Variants in MCF2L2 observed in about 807,000 individuals in gnomAD.
The protein encoded by MCF2L2 is MCF.2 cell line derived transforming sequence-like 2.
Under a neutral mutation model 150.2 loss-of-function variants are expected in MCF2L2, and 102 were observed. The ratio of observed to expected loss-of-function variants is 0.68; its 90% CI spans 0.58 to 0.80. The LOEUF (loss-of-function observed/expected upper bound fraction) is 0.80, where lower values mean the gene tolerates loss of function less well. Among genes scored for constraint, MCF2L2 ranks in the 30% least tolerant of loss-of-function variants. MCF2L2 has a pLI of 0.00. For missense variants in MCF2L2, 1,256 were observed against 1,372.8 expected, an observed-to-expected ratio of 0.91 and a Z score of 1.34; for synonymous variants, 465 against 491.3, an observed-to-expected ratio of 0.95 and a Z score of 0.71.
chr3:183,189,166 G>C (rs975094260), intron 27 of MCF2L2, among the ~76,000 whole-genome samples: 43 of 152,170 alleles, frequency 2.8e-4, no homozygotes, highest in African/African-American at 9.2e-4. Flanking sequence ...TGCTGGGGCC[G>C]AGCACTGCTG....
At chr3:183,245,977 C>T (rs1724234467) in intron 15 of MCF2L2, among the ~76,000 whole-genome samples, 2 of 152,066 alleles carry the variant, frequency 1.3e-5, no homozygotes, top group Admixed American at 6.5e-5. Flanking sequence ...ACCTCAAATT[C>T]TTTTTGGAAG....
In MCF2L2 at chr3:183,195,272, C is replaced by CA. The variant is rs765430476; in HGVS notation, c.2885-18dup. On this transcript the variant is annotated splice_polypyrimidine_tract_variant and intron_variant, in intron 25 of 29. Transcript: ENST00000328913. ...TTCCTTGGTCTAAAATTTTAAAAAA[C>CA]AAAAAACAGCACTCTCAAATTTAAG... The CA allele has an allele frequency of 4.6e-5, 73 of 1,586,906 alleles. No homozygotes were observed. The highest frequency in any genetic ancestry group is 4.3e-6 in the Non-Finnish European group (5 of 1,164,366).
intron 3 of MCF2L2, among the ~76,000 whole-genome samples, chr3:183,354,889 C>T (rs1039003815): frequency 1.3e-5 from 2 of 151,976 alleles, no homozygotes; most frequent in African/African-American, 2.4e-5. Flanking sequence ...TGATCAATAA[C>T]GTAGTCCCTA....
chr3:183,279,091 G>C (rs1386495554), intron 14 of MCF2L2, among the ~76,000 whole-genome samples: 2 of 152,140 alleles, frequency 1.3e-5, no homozygotes, highest in African/African-American at 4.8e-5. Context: ...TTAAGGTATA[G>C]ACAGATTAGT....
intron 2 of MCF2L2, among the ~76,000 whole-genome samples, chr3:183,387,931 C>CAA (rs61024469): frequency 8.3e-3 from 596 of 71,772 alleles, no homozygotes; most frequent in Non-Finnish European, 9.4e-3. Flanking sequence ...GACTCCATCT[C>CAA]AAAAAAAAAA....
chr3:183,239,100 A>G (rs1367105196), intron 15 of MCF2L2, among the ~76,000 whole-genome samples: 1 of 152,122 alleles, frequency 6.6e-6, no homozygotes, highest in African/African-American at 2.4e-5. Context: ...GTATTCAAGT[A>G]ATTAAAAATA....
intron 5 of MCF2L2, among the ~76,000 whole-genome samples, chr3:183,329,867 C>T (rs1730196222): frequency 6.6e-6 from 1 of 152,168 alleles, no homozygotes; most frequent in Non-Finnish European, 1.5e-5. Flanking sequence ...CAAGCCTGTA[C>T]AGCATGTTAC....
chr3:183,386,152 T>G lies in MCF2L2; in HGVS notation c.160+3544A>C, dbSNP rs562973200. Among the ~76,000 whole-genome samples the G allele has an allele frequency of 2.0e-5, 3 of 152,318 alleles. No homozygotes were observed. The South Asian group carries it at 6.2e-4, about 32-fold the overall frequency. Reference sequence around the variant, plus strand: ...ACCATGCTGAGTGAAACTTTTCTTCTTACAGATGAAAAACTGGGGTTTGGA... The same window carrying G: ...ACCATGCTGAGTGAAACTTTTCTTCGTACAGATGAAAAACTGGGGTTTGGA... On this transcript the variant is annotated intron_variant, in intron 2 of 29. Transcript: ENST00000328913.
intron 5 of MCF2L2, 40 bp from the exon 6 acceptor site, chr3:183,323,391 T>A: frequency 9.8e-7 from 1 of 1,017,836 alleles, no homozygotes; most frequent in Non-Finnish European, 1.6e-6. Flanking sequence ...TCCTCATTGA[T>A]CATTAAATAA....
Position 183,228,278 on chromosome 3 carries a change from A to G in MCF2L2, c.2115+19T>C. 2 of 1,594,250 alleles carry G rather than the reference A, an allele frequency of 1.3e-6. No homozygotes were observed. Among genetic ancestry groups the G allele is most frequent in the Non-Finnish European group, 1.7e-6 (2 of 1,162,372 alleles). On this transcript the variant is annotated intron_variant, in intron 18 of 29. Coordinates refer to ENST00000328913, the MANE Select transcript of MCF2L2 (RefSeq NM_015078.4). Reference sequence around the variant, plus strand: ...AGGGCTGACTTTAACATGATTATTTACTGGGAGTACAGACTTACTCTCTTG... The same window carrying G: ...AGGGCTGACTTTAACATGATTATTTGCTGGGAGTACAGACTTACTCTCTTG...
intron 15 of MCF2L2, among the ~76,000 whole-genome samples, chr3:183,276,229 C>T (rs1282305914): frequency 6.6e-6 from 1 of 152,134 alleles, no homozygotes; most frequent in African/African-American, 2.4e-5. Context: ...AATCAAGGAG[C>T]ACATTCCTAA....
chr3:183,295,615 T>G, intron 12 of MCF2L2, 138 bp from the exon 13 acceptor site: 1 of 740,662 alleles, frequency 1.4e-6, no homozygotes, highest in Non-Finnish European at 2.2e-6. Context: ...GGCATCACTA[T>G]GCAAGTCGCT....
At chr3:183,299,522 T>C (rs1162420337) in intron 11 of MCF2L2, 2 of 154,942 alleles carry the variant, frequency 1.3e-5, no homozygotes, top group African/African-American at 4.8e-5. Context: ...TTGAGGATTA[T>C]AAATAGATGA....
Position 183,425,035 on chromosome 3 carries a change from T to C in MCF2L2, c.76+2867A>G, listed in dbSNP as rs557112509. On this transcript the variant is annotated intron_variant, in intron 1 of 29. Coordinates refer to ENST00000328913, the MANE Select transcript of MCF2L2 (RefSeq NM_015078.4). ...AGGTATTATTAAAGGCTTTGGAATA[T>C]AGAGTGTCGTGTTTGTTTGGCTCGT... 2.1e-4 allele frequency among the ~76,000 whole-genome samples: 32 copies of C among 152,104 alleles called. 1 individual carries two copies. Among genetic ancestry groups the C allele is most frequent in the Non-Finnish European group, 3.4e-4 (23 of 68,020 alleles).
chr3:183,355,266 TCTTGTTG>T (rs1183098747), intron 3 of MCF2L2, among the ~76,000 whole-genome samples: 2 of 152,086 alleles, frequency 1.3e-5, no homozygotes, highest in African/African-American at 4.8e-5. Context: ...AAGGATCAGA[TCTTGTTG>T]CTTGTGGATA....
chr3:183,224,185 T>G lies in MCF2L2; in HGVS notation c.2121A>C (p.Glu707Asp). The G allele has an allele frequency of 1.2e-6, 2 of 1,609,400 alleles. No homozygotes were observed. Among genetic ancestry groups the G allele is most frequent in the Non-Finnish European group, 1.7e-6 (2 of 1,175,838 alleles). Residue 707 changes from glutamate to aspartate, a missense_variant, in exon 19 of 30, where the codon GAA becomes GAC. Physicochemically the swap from Glu to Asp is conservative, Grantham distance 45. Transcript: ENST00000328913. ...GGTATTTAAAATATATCTGAAGATC[T>G]TCTTTCTAGGTGGGAAAAAATTAGA... ...LLAHCFLKRK[E>D]DLQIYFKYHK...
At chr3:183,424,523 T>C (rs1716061840) in intron 1 of MCF2L2, among the ~76,000 whole-genome samples, 1 of 152,172 alleles carries the variant, frequency 6.6e-6, no homozygotes, top group South Asian at 2.1e-4. Context: ...CTCCTTAGAG[T>C]GAGGCCCTGT....
At chr3:183,295,568 T>TC in intron 12 of MCF2L2, 91 bp from the exon 13 acceptor site, 1 of 1,248,010 alleles carries the variant, frequency 8.0e-7, no homozygotes, top group Non-Finnish European at 1.2e-6. Context: ...CTTCCCCTAC[T>TC]CCCCCCATCC....
At chr3:183,313,065 A>G (rs2108511130) in intron 7 of MCF2L2, among the ~76,000 whole-genome samples, 1 of 152,344 alleles carries the variant, frequency 6.6e-6, no homozygotes, top group South Asian at 2.1e-4. Context: ...GGTTGGATAA[A>G]TTAATAACAG....
Sources: allele counts gnomAD v4.1 joint callset (sites outside exome capture counted in the v4.1 genomes callset), GRCh38; gene constraint gnomAD v4.1.1; transcripts MANE v1.5; gene names NCBI Gene and HGNC (gene_info 2026-07-23, HGNC 2026-07-21).